The following TASP1 variants were observed in gnomAD, a reference collection of about 807,000 sequenced individuals.
TASP1 encodes the protein threonine aspartase 1.
TASP1 carries 16 observed loss-of-function variants against 56.6 expected under a neutral mutation model. The ratio of observed to expected loss-of-function variants is 0.28; its 90% confidence interval spans 0.19 to 0.43. The LOEUF is 0.43. Ranked by LOEUF, TASP1 falls within the 20% of genes least tolerant of loss-of-function variation. The pLI is 1.00. For synonymous variants in TASP1, 179 were observed against 184.2 expected, an observed-to-expected ratio of 0.97 and a Z score of 0.23; for missense variants, 393 against 511.6, an observed-to-expected ratio of 0.77 and a Z score of 2.24.
the TASP1 span, among the ~76,000 whole-genome samples, chr20:13,274,984 C>T: frequency 1.3e-5 from 2 of 152,162 alleles, no homozygotes; most frequent in Non-Finnish European, 2.9e-5. Context: ...TCCCCCAGAA[C>T]AAGTTAGACT....
chr20:13,589,396 TTAGA>T (rs763476862), intron 4 of TASP1, among the ~76,000 whole-genome samples: 7 of 152,046 alleles, frequency 4.6e-5, no homozygotes, highest in Non-Finnish European at 1.0e-4. Context: ...ACTGGGACAA[TTAGA>T]TAGCCACATG....
chr20:13,499,408 T>G (rs2043859256), intron 10 of TASP1, among the ~76,000 whole-genome samples: 1 of 150,134 alleles, frequency 6.7e-6, no homozygotes, highest in African/African-American at 2.5e-5. Context: ...AATATACCCA[T>G]GTAACAAACC....
At chr20:13,400,775 A>C (rs2041707994) in intron 13 of TASP1, among the ~76,000 whole-genome samples, 1 of 152,244 alleles carries the variant, frequency 6.6e-6, no homozygotes, top group South Asian at 2.1e-4. Flanking sequence ...AGTGAATACT[A>C]AAATGTTAAG....
At chr20:13,490,597 G>A (rs2043489212) in intron 10 of TASP1, among the ~76,000 whole-genome samples, 1 of 152,130 alleles carries the variant, frequency 6.6e-6, no homozygotes, top group African/African-American at 2.4e-5. Context: ...TCAAGAAGCA[G>A]GGTCTTTTTT....
chr20:13,578,033 G>A (rs992256903), intron 6 of TASP1, among the ~76,000 whole-genome samples: 8 of 152,116 alleles, frequency 5.3e-5, no homozygotes, highest in African/African-American at 1.7e-4. Flanking sequence ...AAATGCTGGA[G>A]CATACAGTGT....
intron 11 of TASP1, among the ~76,000 whole-genome samples, chr20:13,459,221 G>A (rs1040094822): frequency 2.0e-5 from 3 of 151,662 alleles, no homozygotes; most frequent in African/African-American, 4.8e-5. Context: ...TCCCTTTATC[G>A]TCCCCTAGTC....
chr20:13,262,453 G>C, the TASP1 span, among the ~76,000 whole-genome samples: 1 of 151,120 alleles, frequency 6.6e-6, no homozygotes, highest in Non-Finnish European at 1.5e-5. Flanking sequence ...TGAAGGGTTT[G>C]TTTTTCTTTT....
chr20:13,358,382 C>G, the TASP1 span, among the ~76,000 whole-genome samples: 6 of 152,326 alleles, frequency 3.9e-5, no homozygotes, highest in African/African-American at 9.6e-5. Context: ...GATCAATCCC[C>G]CGTCCTCCTG....
At chr20:13,107,179 C>G in the TASP1 span, among the ~76,000 whole-genome samples, 1 of 152,190 alleles carries the variant, frequency 6.6e-6, no homozygotes, top group Non-Finnish European at 1.5e-5. Context: ...CCCACACCAA[C>G]TGATTCAAAA....
the TASP1 span, chr20:13,270,699 G>T: frequency 6.2e-7 from 1 of 1,613,904 alleles, no homozygotes; most frequent in Non-Finnish European, 8.5e-7. Flanking sequence ...AAACTTTCCA[G>T]ATCTTTCCAA....
the TASP1 span, among the ~76,000 whole-genome samples, chr20:13,232,115 G>T: frequency 1.3e-5 from 2 of 152,176 alleles, no homozygotes; most frequent in Admixed American, 1.3e-4. Context: ...TGGCAGTGAG[G>T]ACAGGAGGAG....
At chr20:13,282,269 G>A in the TASP1 span, among the ~76,000 whole-genome samples, 2 of 152,152 alleles carry the variant, frequency 1.3e-5, no homozygotes, top group Non-Finnish European at 2.9e-5. Context: ...TTCAGCCCGG[G>A]TTGAAGGCCA....
At chr20:13,218,792 C>T in the TASP1 span, among the ~76,000 whole-genome samples, 1 of 152,272 alleles carries the variant, frequency 6.6e-6, no homozygotes, top group South Asian at 2.1e-4. Context: ...GGGTGTTTAT[C>T]AATACTCGTT....
chr20:13,638,324 G>A (rs987099454), intron 1 of TASP1, among the ~76,000 whole-genome samples: 1 of 151,366 alleles, frequency 6.6e-6, no homozygotes, highest in Non-Finnish European at 1.5e-5. Flanking sequence ...CCGGAAACAC[G>A]ATACCCTCGA....
chr20:13,426,824 A>C (rs78410080), intron 12 of TASP1, among the ~76,000 whole-genome samples: 4,233 of 152,314 alleles, frequency 0.028, 78 homozygotes, highest in South Asian at 0.043. Flanking sequence ...CTTAAGAGAT[A>C]TCTTCACTAT....
rs2049030452 is a variant in TASP1 at position 13,630,075 on chromosome 20, T to C, written c.4A>G (p.Thr2Ala). M[T>A]MEKGMSSGEG... ...CCAGAACTCATCCCCTTCTCCATGGTCATTCTCCAAGATTACCATCTTCTA... is the reference window on the plus strand; with the variant it reads ...CCAGAACTCATCCCCTTCTCCATGGCCATTCTCCAAGATTACCATCTTCTA... Residue 2 changes from threonine (T) to alanine (A), a missense_variant, in exon 2 of 14, where the codon ACC (threonine) becomes GCC (alanine). This residue lies in a region of TASP1 where 52 missense variants were observed against 51.1 expected (regional missense o/e 1.02). Coordinates refer to ENST00000337743, the MANE Select transcript of TASP1 (RefSeq NM_017714.3). The C allele has an allele frequency of 1.2e-6, 2 of 1,612,116 alleles. No individual in the cohort carries two copies. Among genetic ancestry groups the C allele is most frequent in the Non-Finnish European group, 1.7e-6 (2 of 1,179,450 alleles).
chr20:13,115,942 C>G, the TASP1 span, among the ~76,000 whole-genome samples: 2 of 152,182 alleles, frequency 1.3e-5, no homozygotes, highest in Admixed American at 1.3e-4. Context: ...GCCAGATGGC[C>G]AGACTGTCTT....
At chr20:13,224,841 C>CTTTTT in the TASP1 span, among the ~76,000 whole-genome samples, 152 of 107,224 alleles carry the variant, frequency 1.4e-3, no homozygotes, top group Non-Finnish European at 1.7e-3. Context: ...AGCTTTCTTT[C>CTTTTT]TTTTTTTTTT....
chr20:13,138,387 C>A, the TASP1 span, among the ~76,000 whole-genome samples: 1 of 152,312 alleles, frequency 6.6e-6, no homozygotes, highest in East Asian at 1.9e-4. Context: ...CCCTGGCCAT[C>A]CTTCTAAGCC....
Sources: allele counts gnomAD v4.1 joint callset (sites outside exome capture counted in the v4.1 genomes callset), GRCh38; gene constraint gnomAD v4.1.1; regional missense constraint gnomAD v4.1.1; transcripts MANE v1.5; gene names NCBI Gene and HGNC (gene_info 2026-07-23, HGNC 2026-07-21).